FRMPD4: variants seen among roughly 807,000 people sequenced by gnomAD.
FRMPD4 encodes FERM and PDZ domain-containing protein 4.
A neutral mutation model predicts 94.1 loss-of-function variants in FRMPD4; 22 were observed. The observed-to-expected ratio is 0.23, with a 90% CI of 0.17 to 0.33. The LOEUF (loss-of-function observed/expected upper bound fraction) is 0.33. Among genes scored for constraint, FRMPD4 ranks in the 10% least tolerant of loss-of-function variants. FRMPD4 has a pLI of 1.00. For missense variants in FRMPD4, 1,111 were observed against 1,339.9 expected (o/e 0.83, Z 2.67); for synonymous variants, 631 against 548.6 (o/e 1.15, Z -2.10).
chrX:12,092,025 C>A (rs896859505), intron 3 of FRMPD4, among the ~76,000 whole-genome samples: 8 of 111,467 alleles, frequency 7.2e-5, no homozygotes, highest in African/African-American at 2.6e-4. Context: ...GGTAATTGTA[C>A]ATATAATATC....
chrX:12,653,719 T>C (rs1032464693), intron 4 of FRMPD4, among the ~76,000 whole-genome samples: 2 of 100,264 alleles, frequency 2.0e-5, no homozygotes, highest in Non-Finnish European at 4.0e-5. Flanking sequence ...TCATATAAAA[T>C]AACTATGACT....
intron 1 of FRMPD4, among the ~76,000 whole-genome samples, chrX:12,339,272 G>A (rs2055573213): frequency 2.7e-5 from 3 of 112,157 alleles, no homozygotes; most frequent in Admixed American, 9.4e-5. Context: ...AGGACAGGAT[G>A]CATATGATCA....
chrX:11,957,997 G>A (rs1601856713), intron 3 of FRMPD4, among the ~76,000 whole-genome samples: 2 of 111,764 alleles, frequency 1.8e-5, no homozygotes, highest in East Asian at 5.6e-4. Context: ...TATACCCTAA[G>A]GAAGTATCTT....
chrX:12,565,380 A>G (rs889318639), intron 2 of FRMPD4, among the ~76,000 whole-genome samples: 2 of 111,728 alleles, frequency 1.8e-5, no homozygotes, highest in Non-Finnish European at 3.8e-5. Flanking sequence ...GGCAAGCACT[A>G]CCTTAGCCAG....
chrX:12,063,572 C>T (rs1307339816), intron 3 of FRMPD4, among the ~76,000 whole-genome samples: 1 of 112,047 alleles, frequency 8.9e-6, no homozygotes, highest in African/African-American at 3.2e-5. Flanking sequence ...TTAACATAGA[C>T]CCCATCTGTA....
chrX:12,044,972 C>T (rs1200522821), intron 3 of FRMPD4, among the ~76,000 whole-genome samples: 1 of 112,298 alleles, frequency 8.9e-6, no homozygotes, highest in Admixed American at 9.4e-5. Flanking sequence ...GATTGGCAAA[C>T]TTTTGCCTGT....
At chrX:12,269,353 A>T (rs764591011) in intron 1 of FRMPD4, among the ~76,000 whole-genome samples, 15 of 39,212 alleles carry the variant, frequency 3.8e-4, no homozygotes, top group South Asian at 1.1e-3. Context: ...TTAATAAAAT[A>T]AAAAAAAAAA....
chrX:12,000,070 C>T (rs1431301948), intron 3 of FRMPD4, among the ~76,000 whole-genome samples: 6 of 112,116 alleles, frequency 5.4e-5, no homozygotes, highest in African/African-American at 1.9e-4. Flanking sequence ...GATATGCCTT[C>T]TCAGATTTAT....
chrX:12,337,342 G>A lies in FRMPD4; in HGVS notation c.42-161338G>A, dbSNP rs188040667. 4.7e-3 allele frequency among the ~76,000 whole-genome samples: 522 copies of A among 111,888 alleles called. 3 individuals are homozygous for A. The highest frequency in any genetic ancestry group is 0.016 in the African/African-American group (491 of 30,830). On this transcript the variant is annotated intron_variant, in intron 1 of 16. Transcript: ENST00000675598. ...TCCGGAATATTGGGCTATATAGAAC[G>A]TTAATTGAGGATCCAGAGAGAAATC...
At chrX:11,999,546 G>A (rs1457748167) in intron 3 of FRMPD4, among the ~76,000 whole-genome samples, 2 of 112,117 alleles carry the variant, frequency 1.8e-5, no homozygotes, top group Admixed American at 1.9e-4. Context: ...TGGGTGTATT[G>A]CACCTATTCC....
At chrX:12,423,600 C>T (rs1601927846) in intron 1 of FRMPD4, among the ~76,000 whole-genome samples, 1 of 112,191 alleles carries the variant, frequency 8.9e-6, no homozygotes, top group African/African-American at 3.2e-5. Flanking sequence ...AAAATAACCT[C>T]ATCAATGTAA....
intron 3 of FRMPD4, among the ~76,000 whole-genome samples, chrX:11,948,639 C>T (rs750673122): frequency 1.8e-5 from 2 of 110,792 alleles, no homozygotes; most frequent in East Asian, 5.7e-4. Context: ...CCTAGCAATG[C>T]CTGCTTCAAC....
chrX:12,548,100 C>T (rs1271887718), intron 2 of FRMPD4, among the ~76,000 whole-genome samples: 1 of 111,990 alleles, frequency 8.9e-6, no homozygotes, highest in Non-Finnish European at 1.9e-5. Flanking sequence ...TTTTATTTGT[C>T]ACATCATTAG....
chrX:12,203,422 T>C (rs746579137), intron 1 of FRMPD4, among the ~76,000 whole-genome samples: 13 of 111,682 alleles, frequency 1.2e-4, no homozygotes, highest in Non-Finnish European at 2.3e-4. Context: ...AACAAAACAC[T>C]ACATATATAT....
At chrX:12,710,644 A>C in intron 14 of FRMPD4, 107 bp downstream of exon 14, 15 of 741,708 alleles carry the variant, frequency 2.0e-5, no homozygotes, top group Non-Finnish European at 3.0e-5. Context: ...GCGGTGGCTC[A>C]CGCCTGTAAT....
intron 3 of FRMPD4, among the ~76,000 whole-genome samples, chrX:12,019,692 T>A (rs2054622782): frequency 9.1e-6 from 1 of 109,492 alleles, no homozygotes; most frequent in Non-Finnish European, 1.9e-5. Context: ...TGTGTGCCTT[T>A]CCTCTCTGCT....
At chrX:12,176,418 A>G (rs1296338646) in intron 1 of FRMPD4, among the ~76,000 whole-genome samples, 1 of 112,048 alleles carries the variant, frequency 8.9e-6, no homozygotes, top group East Asian at 2.8e-4. Flanking sequence ...TCAAGACAAA[A>G]AAAAGCCATA....
intron 7 of FRMPD4, 65 bp from the exon 8 acceptor site, chrX:12,690,130 A>G (rs936250468): frequency 1.3e-5 from 12 of 944,096 alleles, no homozygotes; most frequent in Non-Finnish European, 1.8e-5. Flanking sequence ...CTTTTCAGTC[A>G]TGGTAGACTC....
intron 9 of FRMPD4, among the ~76,000 whole-genome samples, chrX:12,696,260 A>G (rs896537777): frequency 1.8e-5 from 2 of 111,809 alleles, no homozygotes; most frequent in African/African-American, 3.3e-5. Flanking sequence ...CTTGAAGAGA[A>G]CAGTCTTTTC....
Sources: gnomAD v4.1 joint callset for allele counts (sites outside exome capture counted in the v4.1 genomes callset) on GRCh38, gnomAD v4.1.1 for gene constraint, MANE v1.5 for transcripts, NCBI Gene and HGNC (gene_info 2026-07-23, HGNC 2026-07-21) for gene names.